The following DNAH5 variants were observed in gnomAD, a reference collection of about 807,000 sequenced individuals.
The protein encoded by DNAH5 is axonemal beta dynein heavy chain 5.
A neutral mutation model predicts 518.2 loss-of-function variants in DNAH5; 372 were observed. That is an observed-to-expected ratio of 0.72 (90% CI 0.66 to 0.78). DNAH5 has a LOEUF of 0.78. DNAH5 is among the 30% of genes least tolerant of loss of function. The pLI is 0.00. For missense variants in DNAH5, 5,523 were observed against 5,687.0 expected, an observed-to-expected ratio of 0.97 and a Z score of 0.93; for synonymous variants, 2,039 against 2,025.9, an observed-to-expected ratio of 1.01 and a Z score of -0.17.
In DNAH5 at chr5:13,902,080, G is replaced by A; in HGVS notation, c.1703C>T (p.Ala568Val). The change falls in exon 13 of 79, where the codon GCT becomes GTT. Residue 568 changes from alanine (A) to valine (V), a missense_variant. Coordinates refer to ENST00000265104, the MANE Select transcript of DNAH5 (RefSeq NM_001369.3). ...TTCAAATTTCTTCAACATTCTTAGA[G>A]CTTGATTTGTGTTTTGAATCTTTGC... is the stretch of plus-strand genomic sequence containing the variant. ...TFAKIQNTNQALRMLKKFERL... is the reference protein window; with the variant it reads ...TFAKIQNTNQVLRMLKKFERL... 3 of 1,607,628 alleles carry A rather than the reference G, an allele frequency of 1.9e-6. No homozygotes were observed. The highest frequency in any genetic ancestry group is 2.6e-6 in the Non-Finnish European group (3 of 1,176,126).
chr5:13,938,831 G>A (rs1364448858), intron 1 of DNAH5, among the ~76,000 whole-genome samples: 3 of 152,172 alleles, frequency 2.0e-5, no homozygotes. Flanking sequence ...CAAGGACATG[G>A]ATTTGATCAT....
rs1763385355 is a variant in DNAH5, at chr5:13,829,723, C to T, written c.6250-19G>A. Reference sequence around the variant, plus strand: ...CAGGATTCTAAACAGAAAATAAAGCCCAAGGATGAATGATGCAATCAAGCA... The same window carrying T: ...CAGGATTCTAAACAGAAAATAAAGCTCAAGGATGAATGATGCAATCAAGCA... On this transcript the variant is annotated intron_variant, in intron 37 of 78. Coordinates refer to ENST00000265104, the MANE Select transcript of DNAH5 (RefSeq NM_001369.3). The T allele has an allele frequency of 1.9e-6, 3 of 1,608,912 alleles. No individual in the cohort carries two copies. Among genetic ancestry groups the T allele is most frequent in the Non-Finnish European group, 2.6e-6 (3 of 1,175,436 alleles).
At chr5:13,988,302 G>A (rs1250505710) in intron 1 of DNAH5, among the ~76,000 whole-genome samples, 2 of 152,206 alleles carry the variant, frequency 1.3e-5, no homozygotes, top group East Asian at 3.8e-4. Flanking sequence ...CCATTCTGGA[G>A]AGGGAGGCAT....
chr5:13,969,495 A>C (rs1781740256), intron 1 of DNAH5, among the ~76,000 whole-genome samples: 1 of 152,144 alleles, frequency 6.6e-6, no homozygotes, highest in African/African-American at 2.4e-5. Flanking sequence ...GCTGGATCCC[A>C]GAAGTTTTGT....
intron 65 of DNAH5, among the ~76,000 whole-genome samples, chr5:13,739,337 T>G (rs1009168337): frequency 6.6e-6 from 1 of 152,098 alleles, no homozygotes; most frequent in Non-Finnish European, 1.5e-5. Flanking sequence ...TCTCACAAGA[T>G]CTGATGGTTT....
At position 13,793,562 on chromosome 5, in the gene DNAH5, A is replaced by G. The variant is rs1189409785; in HGVS notation, c.8177T>C (p.Ile2726Thr). 3.1e-6 allele frequency: 5 copies of G among 1,614,114 alleles called. No individual in the cohort carries two copies. The highest frequency in any genetic ancestry group is 4.2e-6 in the Non-Finnish European group (5 of 1,180,014). Residue 2726 changes from isoleucine to threonine, a missense_variant, in exon 49 of 79, where the codon ATA becomes ACA. Ile to Thr is a moderately conservative substitution (Grantham distance 89). Transcript: ENST00000265104. ...TTCAGAGGGCAACGTGCAATTAAATATAGAGAACTGCCTCTTGAGTCTTTG... is the reference window on the plus strand; with the variant it reads ...TTCAGAGGGCAACGTGCAATTAAATGTAGAGAACTGCCTCTTGAGTCTTTG... ...IPQRLKRQFS[I>T]FNCTLPSEAS...
intron 38 of DNAH5, among the ~76,000 whole-genome samples, chr5:13,826,311 A>AG (rs1238009164): frequency 6.6e-6 from 1 of 152,198 alleles, no homozygotes; most frequent in Non-Finnish European, 1.5e-5. Context: ...TGATGTGGGA[A>AG]GTTTTCTCCA....
At chr5:13,937,094 T>A (rs550418930) in intron 1 of DNAH5, among the ~76,000 whole-genome samples, 1 of 152,078 alleles carries the variant, frequency 6.6e-6, no homozygotes, top group Admixed American at 6.6e-5. Flanking sequence ...CATTAACTGC[T>A]TTCCCAAAAG....
chr5:13,811,667 G>T lies in DNAH5; in HGVS notation c.7387C>A (p.Gln2463Lys). The T allele has an allele frequency of 6.2e-7, 1 of 1,614,100 alleles. No individual in the cohort carries two copies. Among genetic ancestry groups the T allele is most frequent in the Non-Finnish European group, 8.5e-7 (1 of 1,179,992 alleles). ...TTTACCTTCAGAGGAATCAGGCCTT[G>T]AAGCATGTTAATGCTCTGTGTGATG... ...FVITQSINML[Q>K]GLIPLKEQGG... The change falls in exon 44 of 79, where the codon CAA becomes AAA. Residue 2463 changes from glutamine (Q) to lysine (K), a missense_variant. Physicochemically the swap from Gln to Lys is moderately conservative, Grantham distance 53. Transcript: ENST00000265104.
At chr5:13,693,083 A>G (rs945037337) in intron 78 of DNAH5, among the ~76,000 whole-genome samples, 8 of 152,200 alleles carry the variant, frequency 5.3e-5, no homozygotes, top group Admixed American at 6.5e-5. Context: ...ATCTCAGGAA[A>G]TAGTATATTA....
intron 1 of DNAH5, among the ~76,000 whole-genome samples, chr5:13,974,271 G>A (rs1430246281): frequency 6.6e-6 from 1 of 151,750 alleles, no homozygotes; most frequent in Non-Finnish European, 1.5e-5. Flanking sequence ...GGGACTACAG[G>A]TGAGTGCCAC....
intron 17 of DNAH5, among the ~76,000 whole-genome samples, chr5:13,889,561 T>C (rs977873332): frequency 6.6e-6 from 1 of 152,202 alleles, no homozygotes; most frequent in Non-Finnish European, 1.5e-5. Flanking sequence ...CTGATAAAGA[T>C]AGTTTGCTGT....
Position 13,829,550 on chromosome 5 carries a change from A to C in DNAH5, c.6404T>G (p.Phe2135Cys), listed in dbSNP as rs1763357242. 1.2e-5 allele frequency: 19 copies of C among 1,614,076 alleles called. No homozygotes were observed. The highest frequency in any genetic ancestry group is 1.6e-5 in the Non-Finnish European group (19 of 1,180,038). The change falls in exon 38 of 79, where the codon TTC becomes TGC. Residue 2135 changes from phenylalanine to cysteine, a missense_variant. Physicochemically the swap from Phe to Cys is radical, Grantham distance 205. Around this residue, in one of 3 missense-constraint regions of DNAH5, gnomAD observed 5,121 missense variants for 5,223.3 expected, o/e 0.98. Coordinates refer to ENST00000265104, the MANE Select transcript of DNAH5 (RefSeq NM_001369.3). ...CTCCTCACACAGTTTGTAGAGCGTG[A>C]AAAACTTCCTGGCCAAAACAACGTT... ...IDNVVLARKF[F>C]TLYKLCEEQL...
At chr5:13,735,690 T>G in intron 67 of DNAH5, 128 bp downstream of exon 67, 1 of 828,886 alleles carries the variant, frequency 1.2e-6, no homozygotes, top group Non-Finnish European at 2.1e-6. Context: ...CATTGGTAAT[T>G]ACACTGATCT....
rs1362523843 is a variant in DNAH5 at position 13,715,945 on chromosome 5, G to A, written c.12909+542C>T. Among the ~76,000 whole-genome samples the A allele has an allele frequency of 2.0e-5, 3 of 152,192 alleles. No homozygotes were observed. The East Asian group carries it at 5.8e-4, about 29-fold the overall frequency. ...AGGCCAGCCCCCTACAACACAGAGT[G>A]ATCCAACCCTGAATGTCAATAGTGC... On this transcript the variant is annotated intron_variant, in intron 74 of 78. Coordinates refer to ENST00000265104, the MANE Select transcript of DNAH5 (RefSeq NM_001369.3).
chr5:13,973,801 C>T lies in DNAH5; in HGVS notation c.12+37847G>A, dbSNP rs184296458. 1.6e-4 allele frequency among the ~76,000 whole-genome samples: 25 copies of T among 152,086 alleles called. 1 individual carries two copies. The highest frequency in any genetic ancestry group is 8.3e-4 in the South Asian group (4 of 4,820). ...CAGAAGGCTCTCGTGTGCGAATGCC[C>T]GATGGCAAGAACAACCACGAAAGAC... On this transcript the variant is annotated intron_variant, in intron 1 of 78. Coordinates refer to the DNAH5 transcript ENST00000681290.
intron 68 of DNAH5, among the ~76,000 whole-genome samples, chr5:13,733,812 T>G (rs780335328): frequency 5.9e-5 from 9 of 152,084 alleles, no homozygotes; most frequent in Non-Finnish European, 1.0e-4. Flanking sequence ...TATACCTACA[T>G]TCCTTCCCTA....
chr5:13,922,211 G>A lies in DNAH5; in HGVS notation c.556C>T (p.Leu186Phe). 1 of 1,613,892 alleles carries A rather than the reference G, an allele frequency of 6.2e-7. No homozygotes were observed. Among genetic ancestry groups the A allele is most frequent in the Non-Finnish European group, 8.5e-7 (1 of 1,179,980 alleles). The change falls in exon 5 of 79, where the codon CTC becomes TTC. Residue 186 changes from leucine (L) to phenylalanine (F), a missense_variant. Around this residue, in one of 3 missense-constraint regions of DNAH5, gnomAD observed 5,121 missense variants for 5,223.3 expected, o/e 0.98. Coordinates refer to ENST00000265104, the MANE Select transcript of DNAH5 (RefSeq NM_001369.3). ...TTAGCTGCGTCCTGAAGGCCCTCGA[G>A]CTCGCCCCAGCCATGGCTCGTGGCT... ...LRATSHGWGE[L>F]EGLQDAANIR...
intron 49 of DNAH5, among the ~76,000 whole-genome samples, chr5:13,793,285 C>G (rs2126907894): frequency 6.6e-6 from 1 of 152,176 alleles, no homozygotes; most frequent in African/African-American, 2.4e-5. Context: ...AAGTTAGAAA[C>G]AGTTAAAGAA....
Sources: gnomAD v4.1 joint callset for allele counts (sites outside exome capture counted in the v4.1 genomes callset) on GRCh38, gnomAD v4.1.1 for gene constraint, gnomAD v4.1.1 regional missense constraint, MANE v1.5 for transcripts, NCBI Gene and HGNC (gene_info 2026-07-23, HGNC 2026-07-21) for gene names.